A1CF: variants seen among roughly 807,000 people sequenced by gnomAD.
A1CF encodes the protein APOBEC-1 stimulating protein.
In A1CF, 48 loss-of-function variants were observed where a neutral mutation model predicts 68.9. The ratio of observed to expected loss-of-function variants is 0.70; its 90% CI spans 0.55 to 0.89. A1CF has a LOEUF of 0.89. A1CF is among the 40% of genes least tolerant of loss of function. The pLI is 0.00. For synonymous variants in A1CF, 272 were observed against 260.4 expected, an observed-to-expected ratio of 1.04 and a Z score of -0.43; for missense variants, 653 against 718.9, an observed-to-expected ratio of 0.91 and a Z score of 1.05.
intron 6 of A1CF, among the ~76,000 whole-genome samples, chr10:50,833,019 T>C (rs1298010383): frequency 6.6e-6 from 1 of 152,164 alleles, no homozygotes; most frequent in African/African-American, 2.4e-5. Context: ...AGCTGATAGA[T>C]TTAGCTGTGA....
chr10:50,822,985 C>G (rs1838749936), intron 7 of A1CF: 1 of 152,148 alleles, frequency 6.6e-6, no homozygotes, highest in Non-Finnish European at 1.5e-5. Flanking sequence ...AGGAGCTACT[C>G]TATAAATACA....
chr10:50,872,545 C>G (rs752570149), intron 1 of A1CF, among the ~76,000 whole-genome samples: 8 of 152,024 alleles, frequency 5.3e-5, no homozygotes, highest in Non-Finnish European at 1.0e-4. Flanking sequence ...TTATATCTAC[C>G]CTGCCTGCCT....
intron 5 of A1CF, among the ~76,000 whole-genome samples, chr10:50,840,362 A>G (rs1839720220): frequency 6.6e-6 from 1 of 151,988 alleles, no homozygotes; most frequent in Non-Finnish European, 1.5e-5. Context: ...CAATAAACCT[A>G]TGAAATAGAT....
chr10:50,883,252 C>G (rs1841864263), intron 1 of A1CF, among the ~76,000 whole-genome samples: 1 of 152,108 alleles, frequency 6.6e-6, no homozygotes, highest in African/African-American at 2.4e-5. Flanking sequence ...TTGCTGAATT[C>G]TTAAGTACCG....
intron 1 of A1CF, among the ~76,000 whole-genome samples, chr10:50,877,147 T>C (rs537125441): frequency 6.6e-6 from 1 of 152,344 alleles, no homozygotes; most frequent in South Asian, 2.1e-4. Flanking sequence ...TGTCTTTGTA[T>C]ATATGTTTAA....
In A1CF at chr10:50,799,438, C is replaced by T. The variant is rs1036276362; in HGVS notation, c.*7291G>A. ...TAATTTTTAAAACTTTATAATGGCA[C>T]TTGAAAATTCAATTAAAACAATTGC... is the stretch of plus-strand genomic sequence containing the variant. On this transcript the variant is annotated 3_prime_UTR_variant, in exon 13 of 13. Coordinates refer to ENST00000373997, the MANE Select transcript of A1CF (RefSeq NM_014576.4). 2 of 152,090 alleles carry T rather than the reference C, an allele frequency of 1.3e-5. No homozygotes were observed. Among genetic ancestry groups the T allele is most frequent in the Non-Finnish European group, 2.9e-5 (2 of 68,000 alleles). The allele number at this position is 152,090 out of a possible 1,614,324, so 9.4% of individuals were successfully genotyped here.
At chr10:50,845,616 C>T (rs1023831829) in intron 3 of A1CF, among the ~76,000 whole-genome samples, 1 of 152,116 alleles carries the variant, frequency 6.6e-6, no homozygotes, top group African/African-American at 2.4e-5. Flanking sequence ...GCATTTTGCT[C>T]CTTTGATACG....
intron 8 of A1CF, among the ~76,000 whole-genome samples, chr10:50,818,863 C>A (rs762068045): frequency 9.9e-5 from 15 of 152,134 alleles, no homozygotes; most frequent in Non-Finnish European, 1.9e-4. Flanking sequence ...CTAAGAGATC[C>A]TCCCTTTGCC....
At chr10:50,883,318 A>G (rs7075575) in intron 1 of A1CF, among the ~76,000 whole-genome samples, 110,680 of 152,028 alleles carry the variant, frequency 0.73, 40,514 homozygotes, top group East Asian at 0.84. Context: ...ACAAAATACT[A>G]TGGGTCAGAT....
chr10:50,818,378 T>G (rs994882355), intron 8 of A1CF, among the ~76,000 whole-genome samples: 1 of 151,992 alleles, frequency 6.6e-6, no homozygotes, highest in African/African-American at 2.4e-5. Context: ...AAACTTACTT[T>G]TGATTTTTCC....
chr10:50,813,746 A>G, intron 10 of A1CF, 111 bp downstream of exon 10: 1 of 1,137,222 alleles, frequency 8.8e-7, no homozygotes, highest in Middle Eastern at 2.1e-4. Context: ...TTATATATTA[A>G]AAGAAAAAAA....
chr10:50,867,397 T>C (rs1199138411), intron 1 of A1CF, among the ~76,000 whole-genome samples: 2 of 152,216 alleles, frequency 1.3e-5, no homozygotes, highest in Non-Finnish European at 2.9e-5. Flanking sequence ...GCAACCTGGT[T>C]GGAACTGGAG....
In A1CF at chr10:50,828,126, C is replaced by T. The variant is rs747198842; in HGVS notation, c.769+5G>A. ...TGAAAAACTAATCTTGTATATATGT[C>T]CTACCTGGTTTGATATTGTTGAATT... On this transcript the variant is annotated splice_donor_5th_base_variant and intron_variant, in intron 7 of 12. Transcript: ENST00000373997. 6.4e-7 allele frequency: 1 copy of T among 1,569,860 alleles called. No individual in the cohort carries two copies. The highest frequency in any genetic ancestry group is 8.7e-7 in the Non-Finnish European group (1 of 1,150,194).
chr10:50,884,828 T>C (rs1841933151), intron 1 of A1CF, among the ~76,000 whole-genome samples: 1 of 152,200 alleles, frequency 6.6e-6, no homozygotes, highest in African/African-American at 2.4e-5. Flanking sequence ...AATGTCCAGA[T>C]TGATTTCTTT....
chr10:50,860,893 C>T (rs1213031332), intron 2 of A1CF, among the ~76,000 whole-genome samples: 1 of 152,166 alleles, frequency 6.6e-6, no homozygotes, highest in Non-Finnish European at 1.5e-5. Context: ...GGCTGCCACA[C>T]TGGGTTCTAG....
chr10:50,849,610 G>A (rs1840142259), intron 3 of A1CF, among the ~76,000 whole-genome samples: 1 of 152,038 alleles, frequency 6.6e-6, no homozygotes, highest in Non-Finnish European at 1.5e-5. Context: ...AATATGTGAG[G>A]ATGATATTAG....
chr10:50,838,606 A>G (rs148878232), intron 5 of A1CF, among the ~76,000 whole-genome samples: 5 of 152,308 alleles, frequency 3.3e-5, no homozygotes, highest in East Asian at 3.9e-4. Flanking sequence ...TGAGGCCACA[A>G]CTTTAATGTC....
Position 50,820,660 on chromosome 10 carries a change from G to T in A1CF, c.770-11C>A. 6.2e-7 allele frequency: 1 copy of T among 1,607,388 alleles called. No homozygotes were observed. Among genetic ancestry groups the T allele is most frequent in the East Asian group, 2.2e-5 (1 of 44,650 alleles). On this transcript the variant is annotated splice_polypyrimidine_tract_variant and intron_variant, in intron 7 of 12. Coordinates refer to ENST00000373997, the MANE Select transcript of A1CF (RefSeq NM_014576.4). The stretch of plus-strand genomic sequence containing the variant: ...CCCTCTCCACAGCACCTGTAAAATA[G>T]AGTGAAGGTTGCCCCATTAACAAAA...
intron 3 of A1CF, 90 bp downstream of exon 3, chr10:50,859,752 A>G: frequency 9.0e-7 from 1 of 1,105,304 alleles, no homozygotes. Context: ...TATGTAACTG[A>G]CCATTCCCAT....
Sources: allele counts gnomAD v4.1 joint callset (sites outside exome capture counted in the v4.1 genomes callset), GRCh38; gene constraint gnomAD v4.1.1; transcripts MANE v1.5; gene names NCBI Gene and HGNC (gene_info 2026-07-23, HGNC 2026-07-21).